CLTCL1: variants seen among roughly 807,000 people sequenced by gnomAD.
The protein encoded by CLTCL1 is clathrin heavy chain 2.
Under a neutral mutation model 190.0 loss-of-function variants are expected in CLTCL1, and 159 were observed. The observed-to-expected ratio is 0.84, with a 90% CI of 0.74 to 0.95. The LOEUF is 0.95. Ranked by LOEUF, CLTCL1 falls within the 40% of genes least tolerant of loss-of-function variation. CLTCL1 has a pLI of 0.00. For synonymous variants in CLTCL1, 752 were observed against 769.6 expected (o/e 0.98, Z 0.38); for missense variants, 1,878 against 2,033.4 (o/e 0.92, Z 1.47).
In CLTCL1 at chr22:19,196,300, C is replaced by T. The variant is rs1569156781; in HGVS notation, c.4157G>A (p.Trp1386Ter). ...LTMMSHPTEA[W>*]KEGQFKDIIT... The stretch of plus-strand genomic sequence containing the variant: ...GATGTCCTTGAACTGACCCTCCTTC[C>T]AGGCCTCAGTGGGGTGGCTCATCAT... The change falls in exon 26 of 33, where the codon TGG (tryptophan) becomes TAG (stop). Residue 1386 changes from tryptophan (W) to a stop codon, truncating the protein, a stop_gained. Coordinates refer to ENST00000427926, the MANE Select transcript of CLTCL1 (RefSeq NM_007098.4). LOFTEE classifies it high-confidence loss of function. The T allele has an allele frequency of 6.2e-7, 1 of 1,613,900 alleles. No homozygotes were observed. Among genetic ancestry groups the T allele is most frequent in the African/African-American group, 1.3e-5 (1 of 75,058 alleles).
At chr22:19,275,861 T>C (rs782606199) in intron 1 of CLTCL1, 31 bp from the exon 2 acceptor site, 16 of 1,552,012 alleles carry the variant, frequency 1.0e-5, no homozygotes, top group Non-Finnish European at 1.0e-5. Flanking sequence ...TGATTAAATT[T>C]TTTTCCTCTG....
intron 13 of CLTCL1, among the ~76,000 whole-genome samples, chr22:19,224,463 A>G (rs1178744922): frequency 1.3e-5 from 2 of 152,162 alleles, no homozygotes; most frequent in African/African-American, 4.8e-5. Flanking sequence ...CTCAACACAG[A>G]GCTGACAGTG....
Position 19,226,215 on chromosome 22 carries a change from G to T in CLTCL1, c.1947+4C>A, listed in dbSNP as rs372402371. ...TAATAGGAGTGCCCAGGGGTACACA[G>T]TACCTCGGGATTGAGGAGGTGAGTG... On this transcript the variant is annotated splice_donor_region_variant and intron_variant, in intron 12 of 32. Coordinates refer to ENST00000427926, the MANE Select transcript of CLTCL1 (RefSeq NM_007098.4). The T allele has an allele frequency of 6.2e-7, 1 of 1,613,210 alleles. No homozygotes were observed. The highest frequency in any genetic ancestry group is 1.3e-5 in the African/African-American group (1 of 74,926).
chr22:19,253,577 C>T (rs1378202652), intron 3 of CLTCL1, among the ~76,000 whole-genome samples: 4 of 152,154 alleles, frequency 2.6e-5, no homozygotes, highest in Non-Finnish European at 5.9e-5. Context: ...ACATCAGTAA[C>T]CTGAAGGAAT....
chr22:19,258,569 G>A (rs2086841811), intron 2 of CLTCL1: 1 of 599,636 alleles, frequency 1.7e-6, no homozygotes, highest in Non-Finnish European at 3.1e-6. Context: ...AGCTGGCACA[G>A]ACCTGGGCAG....
At chr22:19,231,045 C>T (rs781803735) in intron 10 of CLTCL1, among the ~76,000 whole-genome samples, 1 of 152,114 alleles carries the variant, frequency 6.6e-6, no homozygotes, top group Non-Finnish European at 1.5e-5. Context: ...ACACCAAAGG[C>T]CCCCCAGGGT....
chr22:19,256,354 C>CTTTTTTTTTTTTT (rs1239133099), intron 2 of CLTCL1, among the ~76,000 whole-genome samples: 26 of 104,334 alleles, frequency 2.5e-4, no homozygotes, highest in Non-Finnish European at 3.4e-4. Context: ...TTTCTTTTAT[C>CTTTTTTTTTTTTT]TTTTTTTTTT....
intron 1 of CLTCL1, among the ~76,000 whole-genome samples, chr22:19,290,947 C>A (rs927158897): frequency 2.0e-5 from 3 of 152,198 alleles, no homozygotes; most frequent in African/African-American, 7.2e-5. Context: ...GGGACCAGCA[C>A]CGCTCCCGGG....
At chr22:19,217,572 C>T (rs113858496) in intron 18 of CLTCL1, among the ~76,000 whole-genome samples, 2,578 of 138,336 alleles carry the variant, frequency 0.019, 39 homozygotes, top group Middle Eastern at 0.043. Flanking sequence ...GCCGAGATCG[C>T]GCCACTGTAC....
chr22:19,196,872 C>G (rs2084726932), intron 24 of CLTCL1, among the ~76,000 whole-genome samples: 1 of 152,226 alleles, frequency 6.6e-6, no homozygotes, highest in South Asian at 2.1e-4. Flanking sequence ...GCACACTGCA[C>G]TACAATTTTC....
intron 9 of CLTCL1, 28 bp downstream of exon 9, chr22:19,233,138 G>A: frequency 6.3e-7 from 1 of 1,596,104 alleles, no homozygotes; most frequent in Non-Finnish European, 8.6e-7. Context: ...AGTAATCTGT[G>A]AGATGCCAGT....
chr22:19,274,227 C>T (rs2087420956), intron 2 of CLTCL1, among the ~76,000 whole-genome samples: 1 of 152,106 alleles, frequency 6.6e-6, no homozygotes, highest in African/African-American at 2.4e-5. Flanking sequence ...TTTGAGAGGC[C>T]AAGGCAGGAG....
rs200416117 is a variant in CLTCL1, at chr22:19,201,498, G to A, written c.3601-5C>T. Reference sequence around the variant, plus strand: ...CTCGTAACAGCGGTCTCCAACCTACGGATAATAGGGTAGCTCGACTGAGAC... The same window carrying A: ...CTCGTAACAGCGGTCTCCAACCTACAGATAATAGGGTAGCTCGACTGAGAC... On this transcript the variant is annotated splice_polypyrimidine_tract_variant and splice_region_variant and intron_variant, in intron 22 of 32. Transcript: ENST00000427926. The A allele has an allele frequency of 1.9e-5, 30 of 1,609,080 alleles. No individual in the cohort carries two copies. Among genetic ancestry groups the A allele is most frequent in the South Asian group, 6.6e-5 (6 of 90,914 alleles).
At chr22:19,222,133 A>C (rs782364596) in intron 15 of CLTCL1, 40 bp from the exon 16 acceptor site, 4 of 1,609,254 alleles carry the variant, frequency 2.5e-6, no homozygotes, top group East Asian at 2.2e-5. Flanking sequence ...TGTTGCAAAC[A>C]CAAGTTATTG....
intron 6 of CLTCL1, among the ~76,000 whole-genome samples, chr22:19,235,370 G>A (rs1340823257): frequency 1.3e-5 from 2 of 152,038 alleles, no homozygotes; most frequent in Admixed American, 1.3e-4. Flanking sequence ...TTTCAACTAT[G>A]GTTGAGAAAA....
rs1569135667 is a variant in CLTCL1, at chr22:19,180,257, C to T, written c.4904-19G>A. On this transcript the variant is annotated intron_variant, in intron 31 of 32. Transcript: ENST00000427926. ...TCAAAATCTAAAAAAACCAGAATGA[C>T]ATTAATGGTGGAAGGACACACTCAG... The T allele has an allele frequency of 1.2e-6, 2 of 1,613,636 alleles. No individual in the cohort carries two copies. Among genetic ancestry groups the T allele is most frequent in the Non-Finnish European group, 1.7e-6 (2 of 1,179,786 alleles).
intron 2 of CLTCL1, among the ~76,000 whole-genome samples, chr22:19,273,925 T>G (rs1363255453): frequency 4.6e-5 from 7 of 152,132 alleles, no homozygotes; most frequent in Non-Finnish European, 8.8e-5. Context: ...CAACTGCAAG[T>G]GTGTTCCTGG....
intron 2 of CLTCL1, among the ~76,000 whole-genome samples, chr22:19,261,198 C>T (rs1037028166): frequency 3.9e-5 from 6 of 151,934 alleles, no homozygotes; most frequent in Admixed American, 1.3e-4. Flanking sequence ...CTGCAAGCTC[C>T]GCCTCCCGGG....
At chr22:19,197,847 A>G (rs1175109243) in intron 24 of CLTCL1, among the ~76,000 whole-genome samples, 1 of 151,800 alleles carries the variant, frequency 6.6e-6, no homozygotes, top group African/African-American at 2.4e-5. Flanking sequence ...TCCTCAGCCC[A>G]CCCCTGTTGG....
Sources: gnomAD v4.1 joint callset for allele counts (sites outside exome capture counted in the v4.1 genomes callset) on GRCh38, gnomAD v4.1.1 for gene constraint, MANE v1.5 for transcripts, NCBI Gene and HGNC (gene_info 2026-07-23, HGNC 2026-07-21) for gene names.